RABGAP1L: variants seen among roughly 807,000 people sequenced by gnomAD.
RABGAP1L encodes the protein RAB GTPase activating protein 1 like.
Under a neutral mutation model 137.7 loss-of-function variants are expected in RABGAP1L, and 63 were observed. The observed-to-expected ratio is 0.46, with a 90% confidence interval of 0.37 to 0.56. The LOEUF (loss-of-function observed/expected upper bound fraction) is 0.56, where lower values mean the gene tolerates loss of function less well. Among genes scored for constraint, RABGAP1L ranks in the 20% least tolerant of loss-of-function variants. The pLI is 0.00. For synonymous variants in RABGAP1L, 431 were observed against 433.7 expected (o/e 0.99, Z 0.08); for missense variants, 1,095 against 1,244.0 (o/e 0.88, Z 1.80).
intron 19 of RABGAP1L, among the ~76,000 whole-genome samples, chr1:174,939,417 G>T (rs903428134): frequency 4.6e-5 from 7 of 152,042 alleles, no homozygotes; most frequent in Non-Finnish European, 1.0e-4. Flanking sequence ...AATTAGCTGG[G>T]TGTGGTGGTG....
intron 17 of RABGAP1L, among the ~76,000 whole-genome samples, chr1:174,720,620 A>C (rs1184481281): frequency 6.6e-6 from 1 of 152,124 alleles, no homozygotes; most frequent in Non-Finnish European, 1.5e-5. Context: ...CCGGCTGGTA[A>C]CTGGATATTG....
chr1:174,977,176 T>C (rs1031520278), intron 22 of RABGAP1L, among the ~76,000 whole-genome samples: 2 of 152,188 alleles, frequency 1.3e-5, no homozygotes, highest in African/African-American at 4.8e-5. Flanking sequence ...TGTGGAGGAA[T>C]GTGTCATTTA....
In RABGAP1L at chr1:174,637,367, T is replaced by C; in HGVS notation, c.1711-8T>C. On this transcript the variant is annotated splice_polypyrimidine_tract_variant and splice_region_variant and intron_variant, in intron 13 of 25. Transcript: ENST00000681986. The stretch of plus-strand genomic sequence containing the variant: ...TTAATAACCAGGTCTATTTTCTTTC[T>C]TTTTTAGGACTCAGCCCAGGAGAGT... 6.3e-7 allele frequency: 1 copy of C among 1,582,902 alleles called. No homozygotes were observed. The highest frequency in any genetic ancestry group is 1.1e-5 in the South Asian group (1 of 89,246).
intron 14 of RABGAP1L, among the ~76,000 whole-genome samples, chr1:174,643,389 G>A (rs1240864027): frequency 6.6e-6 from 1 of 152,096 alleles, no homozygotes; most frequent in Non-Finnish European, 1.5e-5. Flanking sequence ...ATCCAAATAT[G>A]GGCTGCCAAG....
At chr1:174,672,616 CT>C in intron 14 of RABGAP1L, among the ~76,000 whole-genome samples, 1 of 151,946 alleles carries the variant, frequency 6.6e-6, no homozygotes, top group East Asian at 1.9e-4. Context: ...CCCTCTCAAA[CT>C]GCTTTTGCTG....
chr1:174,396,926 C>T (rs1333971686), intron 13 of RABGAP1L, among the ~76,000 whole-genome samples: 1 of 151,382 alleles, frequency 6.6e-6, no homozygotes, highest in Non-Finnish European at 1.5e-5. Flanking sequence ...ATGGCTTGAG[C>T]CCACGATTTC....
chr1:174,195,697 C>CTTTCTTTTCTTTCTT (rs1558021475), intron 1 of RABGAP1L, among the ~76,000 whole-genome samples: 2 of 92,796 alleles, frequency 2.2e-5, no homozygotes, highest in East Asian at 6.5e-4. Flanking sequence ...TCCTTCTTTC[C>CTTTCTTTTCTTTCTT]TTCTTTCCTT....
chr1:174,218,891 AT>A (rs1669540752), intron 1 of RABGAP1L, among the ~76,000 whole-genome samples: 1 of 152,062 alleles, frequency 6.6e-6, no homozygotes, highest in Non-Finnish European at 1.5e-5. Context: ...GTTTGTGTAA[AT>A]TTTTAGGTAA....
rs752096498 is a variant in RABGAP1L at position 174,250,612 on chromosome 1, C to G, written c.855C>G (p.Asp285Glu). 1 of 1,611,734 alleles carries G rather than the reference C, an allele frequency of 6.2e-7. No individual in the cohort carries two copies. The highest frequency in any genetic ancestry group is 1.7e-5 in the Admixed American group (1 of 59,688). Residue 285 changes from aspartate (D) to glutamate (E), a missense_variant, in exon 6 of 26, where the codon GAC becomes GAG. Physicochemically the swap from Asp to Glu is conservative, Grantham distance 45. This residue lies in a region of RABGAP1L where 112 missense variants were observed against 157.3 expected (regional missense o/e 0.71). Transcript: ENST00000681986. Reference sequence around the variant, plus strand: ...GTGTCTCCTTGGAGGTAAAAGAAGACGATGGAAAAGGAAACTTTAGGTGAG... The same window carrying G: ...GTGTCTCCTTGGAGGTAAAAGAAGAGGATGGAAAAGGAAACTTTAGGTGAG... The part of the protein sequence containing the change: ...TFSVSLEVKE[D>E]DGKGNFSPVP...
At chr1:174,519,134 T>C (rs918473377) in intron 13 of RABGAP1L, among the ~76,000 whole-genome samples, 1 of 151,584 alleles carries the variant, frequency 6.6e-6, no homozygotes, top group African/African-American at 2.4e-5. Flanking sequence ...TTATATATAA[T>C]ATATATGTAT....
intron 18 of RABGAP1L, among the ~76,000 whole-genome samples, chr1:174,782,898 T>C (rs1336623703): frequency 2.0e-5 from 3 of 152,140 alleles, no homozygotes; most frequent in Non-Finnish European, 4.4e-5. Context: ...GAGCACAGGG[T>C]GAGGGACAAT....
rs1320413583 is a variant in RABGAP1L at position 174,691,807 on chromosome 1, TTAAA to T, written c.1900-7715_1900-7712del. On this transcript the variant is annotated intron_variant, in intron 15 of 25. Transcript: ENST00000681986. ...ATGAAGCATTAATCATTGTAATAAG[TTAAA>T]TAGTCATTTTAGTGCTTTTTTTTTA... Among the ~76,000 whole-genome samples, 8 of 152,288 alleles carry T rather than the reference TTAAA, an allele frequency of 5.3e-5. No individual in the cohort carries two copies. In the East Asian group the frequency reaches 1.2e-3, roughly 22 times the overall value.
At chr1:174,268,017 C>G (rs886187307) in intron 7 of RABGAP1L, among the ~76,000 whole-genome samples, 2 of 152,150 alleles carry the variant, frequency 1.3e-5, no homozygotes, top group Non-Finnish European at 2.9e-5. Context: ...CTCATTGACA[C>G]AATAGAAGAT....
At chr1:174,180,531 C>G (rs937269955) in intron 1 of RABGAP1L, among the ~76,000 whole-genome samples, 1 of 152,172 alleles carries the variant, frequency 6.6e-6, no homozygotes, top group African/African-American at 2.4e-5. Flanking sequence ...ATAGTGTGAT[C>G]ATAGCTCACT....
At chr1:174,521,390 A>C (rs562075176) in intron 13 of RABGAP1L, among the ~76,000 whole-genome samples, 1 of 152,350 alleles carries the variant, frequency 6.6e-6, no homozygotes, top group East Asian at 1.9e-4. Flanking sequence ...GAAGAAGCTT[A>C]TAGAAAACTA....
chr1:174,682,503 C>T (rs1678157559), intron 14 of RABGAP1L, among the ~76,000 whole-genome samples: 1 of 150,426 alleles, frequency 6.6e-6, no homozygotes, highest in Admixed American at 6.6e-5. Flanking sequence ...AAACAAGCAA[C>T]CAGTACTATA....
At chr1:174,711,442 C>T (rs1680509535) in intron 17 of RABGAP1L, among the ~76,000 whole-genome samples, 1 of 152,048 alleles carries the variant, frequency 6.6e-6, no homozygotes, top group Non-Finnish European at 1.5e-5. Flanking sequence ...TGCTTGCGGG[C>T]CAGAACGAGT....
chr1:174,968,045 A>C (rs915636832), intron 20 of RABGAP1L, among the ~76,000 whole-genome samples: 17 of 152,122 alleles, frequency 1.1e-4, no homozygotes, highest in Non-Finnish European at 2.5e-4. Context: ...CCTCTGTGAA[A>C]GCCTCAGACT....
chr1:174,622,060 T>A (rs1370562307), intron 13 of RABGAP1L, among the ~76,000 whole-genome samples: 2 of 152,090 alleles, frequency 1.3e-5, no homozygotes, highest in African/African-American at 4.8e-5. Context: ...AATAGACAGT[T>A]CTCAAAAGAA....
Sources: allele counts gnomAD v4.1 joint callset (sites outside exome capture counted in the v4.1 genomes callset), GRCh38; gene constraint gnomAD v4.1.1; regional missense constraint gnomAD v4.1.1; transcripts MANE v1.5; gene names NCBI Gene and HGNC (gene_info 2026-07-23, HGNC 2026-07-21).